The following ADARB2 variants were observed in gnomAD, a reference collection of about 807,000 sequenced individuals.
ADARB2 encodes the protein inactive double-stranded RNA-specific editase B2.
In ADARB2, 25 loss-of-function variants were observed where a neutral mutation model predicts 62.2. That is an observed-to-expected ratio of 0.40 (90% CI 0.29 to 0.56). The LOEUF is 0.56. ADARB2 is among the 20% of genes least tolerant of loss of function. ADARB2 has a pLI of 0.43. For synonymous variants in ADARB2, 572 were observed against 500.8 expected (o/e 1.14, Z -1.90); for missense variants, 1,071 against 1,077.4 (o/e 0.99, Z 0.08).
intron 1 of ADARB2, among the ~76,000 whole-genome samples, chr10:1,634,463 G>A (rs1400080736): frequency 3.3e-5 from 5 of 152,268 alleles, no homozygotes; most frequent in Middle Eastern, 6.8e-3. Context: ...GAGGAGGGGC[G>A]GCCGGCTGGC....
At chr10:1,208,211 G>A (rs1033048030) in intron 7 of ADARB2, among the ~76,000 whole-genome samples, 4 of 152,224 alleles carry the variant, frequency 2.6e-5, no homozygotes, top group African/African-American at 4.8e-5. Context: ...CCTGAAGACC[G>A]GATAGGTGAT....
intron 3 of ADARB2, among the ~76,000 whole-genome samples, chr10:1,348,734 C>T (rs1396982583): frequency 6.6e-6 from 1 of 152,172 alleles, no homozygotes; most frequent in African/African-American, 2.4e-5. Flanking sequence ...TGGGCTCTAT[C>T]TGGGCACCCT....
intron 1 of ADARB2, among the ~76,000 whole-genome samples, chr10:1,600,678 A>AG (rs1656916311): frequency 6.6e-6 from 1 of 151,680 alleles, no homozygotes; most frequent in African/African-American, 2.4e-5. Context: ...AAAAAAAAAA[A>AG]AAAAAAGATT....
At chr10:1,674,834 G>T (rs923491956) in intron 1 of ADARB2, among the ~76,000 whole-genome samples, 2 of 152,068 alleles carry the variant, frequency 1.3e-5, no homozygotes, top group African/African-American at 4.8e-5. Flanking sequence ...CTTTTCTGCT[G>T]TCTGCAAGAT....
chr10:1,419,068 A>G (rs1017836150), intron 1 of ADARB2, among the ~76,000 whole-genome samples: 8 of 151,524 alleles, frequency 5.3e-5, no homozygotes, highest in African/African-American at 1.9e-4. Context: ...AGGAGCCTAA[A>G]TATACACAAA....
At chr10:1,725,102 C>A (rs185144301) in intron 1 of ADARB2, among the ~76,000 whole-genome samples, 34 of 152,330 alleles carry the variant, frequency 2.2e-4, no homozygotes, top group Non-Finnish European at 3.4e-4. Flanking sequence ...ATGGACCCTG[C>A]AGAGAAGGAA....
chr10:1,243,755 C>T (rs1172241053), intron 4 of ADARB2, among the ~76,000 whole-genome samples: 1 of 152,230 alleles, frequency 6.6e-6, no homozygotes, highest in East Asian at 1.9e-4. Context: ...AGCCTCCTTC[C>T]TTCCAGGCAA....
chr10:1,534,416 G>T lies in ADARB2; in HGVS notation c.101-155256C>A, dbSNP rs143190676. 8.7e-3 allele frequency among the ~76,000 whole-genome samples: 1,326 copies of T among 152,348 alleles called. 15 individuals carry two copies. The highest frequency in any genetic ancestry group is 0.03 in the African/African-American group (1,255 of 41,584). On this transcript the variant is annotated intron_variant, in intron 1 of 9. Transcript: ENST00000381312. ...GCCTCCCAAAGTGCTGGGATTACAG[G>T]CATGAGCCACCGCTCCCGGCCTCTT...
chr10:1,402,257 C>T (rs1428498795), intron 1 of ADARB2, among the ~76,000 whole-genome samples: 1 of 152,198 alleles, frequency 6.6e-6, no homozygotes, highest in South Asian at 2.1e-4. Flanking sequence ...AGTGTTTACG[C>T]GTGCGCGCGC....
chr10:1,278,022 C>G (rs1320860242), intron 3 of ADARB2, among the ~76,000 whole-genome samples: 1 of 151,864 alleles, frequency 6.6e-6, no homozygotes, highest in African/African-American at 2.4e-5. Flanking sequence ...CAGGCTGGAC[C>G]TCAGTGGCAT....
chr10:1,623,958 G>C (rs1190970364), intron 1 of ADARB2, among the ~76,000 whole-genome samples: 1 of 152,182 alleles, frequency 6.6e-6, no homozygotes, highest in African/African-American at 2.4e-5. Context: ...ATCAAGGCTG[G>C]TGCAGTGACT....
chr10:1,698,530 C>T (rs1440984173), intron 1 of ADARB2, among the ~76,000 whole-genome samples: 1 of 152,186 alleles, frequency 6.6e-6, no homozygotes, highest in Non-Finnish European at 1.5e-5. Context: ...TTCGAACATC[C>T]TCATCCATAA....
At chr10:1,558,307 C>A (rs1832734747) in intron 1 of ADARB2, among the ~76,000 whole-genome samples, 1 of 143,632 alleles carries the variant, frequency 7.0e-6, no homozygotes, top group Non-Finnish European at 1.5e-5. Flanking sequence ...GGGTGCTCAG[C>A]CCCCACGCAC....
rs780774922 is a variant in ADARB2 at position 1,183,203 on chromosome 10, A to G, written c.2210T>C (p.Leu737Pro). 1 of 1,613,144 alleles carries G rather than the reference A, an allele frequency of 6.2e-7. No individual in the cohort carries two copies. The highest frequency in any genetic ancestry group is 8.5e-7 in the Non-Finnish European group (1 of 1,179,914). The change falls in exon 10 of 10, where the codon CTG becomes CCG. Residue 737 changes from leucine to proline, a missense_variant. Transcript: ENST00000381312. ...RKPPEQQQFL[L>P]TL The stretch of plus-strand genomic sequence containing the variant: ...CCAGGAGCCCGCAGCCTAGAGAGTC[A>G]GTAGAAACTGCTGCTGCTCCGGTGG...
intron 1 of ADARB2, among the ~76,000 whole-genome samples, chr10:1,400,452 G>A (rs1384209854): frequency 6.6e-6 from 1 of 152,178 alleles, no homozygotes; most frequent in Non-Finnish European, 1.5e-5. Context: ...GGCAGCACAT[G>A]GAGATGGATT....
rs963469975 is a variant in ADARB2, at chr10:1,398,824, C to T, written c.101-19664G>A. On this transcript the variant is annotated intron_variant, in intron 1 of 9. Coordinates refer to ENST00000381312, the MANE Select transcript of ADARB2 (RefSeq NM_018702.4). The surrounding 1 kb of genome is among the most constrained non-coding windows in gnomAD (Gnocchi z 4.1). Reference sequence around the variant, plus strand: ...CACATTTGGGAAGAAGAGATTTTCTCCCTCCGCAGCAGCAGCGCAGCCTGC... The same window carrying T: ...CACATTTGGGAAGAAGAGATTTTCTTCCTCCGCAGCAGCAGCGCAGCCTGC... Among the ~76,000 whole-genome samples, 2 of 152,094 alleles carry T rather than the reference C, an allele frequency of 1.3e-5. No homozygotes were observed. Among genetic ancestry groups the T allele is most frequent in the African/African-American group, 4.8e-5 (2 of 41,412 alleles).
At chr10:1,389,210 C>A (rs1452295915) in intron 1 of ADARB2, among the ~76,000 whole-genome samples, 1 of 152,128 alleles carries the variant, frequency 6.6e-6, no homozygotes, top group East Asian at 1.9e-4. Flanking sequence ...GAGGAGATTA[C>A]TTTCATGGTT....
chr10:1,310,040 C>T (rs1254217241), intron 3 of ADARB2, among the ~76,000 whole-genome samples: 1 of 152,232 alleles, frequency 6.6e-6, no homozygotes, highest in Non-Finnish European at 1.5e-5. Flanking sequence ...CCTTTAACTT[C>T]TATCCTTCAT....
chr10:1,194,490 T>C (rs1224120167), intron 8 of ADARB2, among the ~76,000 whole-genome samples: 3 of 151,198 alleles, frequency 2.0e-5, no homozygotes, highest in East Asian at 3.9e-4. Context: ...CTGTCATCTA[T>C]CTATCATCTA....
Sources: gnomAD v4.1 joint callset for allele counts (sites outside exome capture counted in the v4.1 genomes callset) on GRCh38, gnomAD v4.1.1 for gene constraint, Gnocchi (gnomAD v3.1) non-coding constraint, MANE v1.5 for transcripts, NCBI Gene and HGNC (gene_info 2026-07-23, HGNC 2026-07-21) for gene names.